Variants in STX18 observed in about 807,000 individuals in gnomAD.
STX18 encodes syntaxin 18.
In STX18, 40 loss-of-function variants were observed where a neutral mutation model predicts 50.1. The observed-to-expected ratio is 0.80, with a 90% CI of 0.62 to 1.04. The LOEUF is 1.04. STX18 is among the 50% of genes least tolerant of loss of function. The pLI is 0.00. For synonymous variants in STX18, 158 were observed against 151.8 expected (o/e 1.04, Z -0.30); for missense variants, 410 against 415.8 (o/e 0.99, Z 0.12).
intron 3 of STX18, among the ~76,000 whole-genome samples, chr4:4,458,078 A>G (rs529933224): frequency 6.6e-5 from 10 of 152,342 alleles, no homozygotes; most frequent in Non-Finnish European, 1.3e-4. Context: ...TTTTGGTAAG[A>G]TAGTGACCAC....
chr4:4,466,233 A>C (rs1319077227), intron 2 of STX18, among the ~76,000 whole-genome samples: 4 of 152,150 alleles, frequency 2.6e-5, no homozygotes, highest in African/African-American at 9.6e-5. Context: ...GTCTCTCAGG[A>C]TGGAAGCATG....
chr4:4,523,401 T>C (rs1234740231), intron 1 of STX18, among the ~76,000 whole-genome samples: 1 of 152,202 alleles, frequency 6.6e-6, no homozygotes, highest in Admixed American at 6.5e-5. Flanking sequence ...TCTGATGTCT[T>C]TTCCAGTCTA....
At chr4:4,509,426 T>C (rs1311031733) in intron 1 of STX18, among the ~76,000 whole-genome samples, 1 of 152,160 alleles carries the variant, frequency 6.6e-6, no homozygotes, top group Non-Finnish European at 1.5e-5. Context: ...CTTGTAAATT[T>C]GTTTAAGTTC....
At chr4:4,541,114 A>G (rs1206832291) in intron 1 of STX18, among the ~76,000 whole-genome samples, 1 of 152,204 alleles carries the variant, frequency 6.6e-6, no homozygotes, top group Non-Finnish European at 1.5e-5. Context: ...CACTCATTCA[A>G]CAAACATTTA....
At chr4:4,476,434 C>A (rs1434837822) in intron 1 of STX18, among the ~76,000 whole-genome samples, 1 of 152,210 alleles carries the variant, frequency 6.6e-6, no homozygotes, top group Non-Finnish European at 1.5e-5. Context: ...AAGCTCAAGA[C>A]TGACTGAGCT....
intron 1 of STX18, chr4:4,479,110 G>C (rs1728337802): frequency 6.6e-6 from 1 of 152,188 alleles, no homozygotes; most frequent in South Asian, 2.1e-4. Context: ...TTAAAAAATA[G>C]TAGTGGCACA....
At chr4:4,530,832 C>T (rs1176922026) in intron 1 of STX18, among the ~76,000 whole-genome samples, 4 of 152,080 alleles carry the variant, frequency 2.6e-5, no homozygotes, top group African/African-American at 4.8e-5. Flanking sequence ...GTCTTGAATT[C>T]CTAAGCTCAA....
chr4:4,424,523 C>T (rs965189216), intron 8 of STX18, among the ~76,000 whole-genome samples: 12 of 152,050 alleles, frequency 7.9e-5, no homozygotes, highest in African/African-American at 2.2e-4. Context: ...GGGCAGAAGG[C>T]GAAGAGCCCC....
Position 4,541,912 on chromosome 4 carries a change from G to A in STX18, c.53C>T (p.Thr18Met). 1.2e-6 allele frequency: 2 copies of A among 1,610,190 alleles called. No individual in the cohort carries two copies. Among genetic ancestry groups the A allele is most frequent in the Non-Finnish European group, 1.7e-6 (2 of 1,178,746 alleles). ...LFRASVKTVK[T>M]RNKALGVAVG... ...CGCCACTCCCAGCGCCTTGTTCCGCGTCTTCACGGTCTTGACGCTGGCCCG... is the reference window on the plus strand; with the variant it reads ...CGCCACTCCCAGCGCCTTGTTCCGCATCTTCACGGTCTTGACGCTGGCCCG... Residue 18 changes from threonine to methionine, a missense_variant, in exon 1 of 11, where the codon ACG (threonine) becomes ATG (methionine). Transcript: ENST00000306200.
chr4:4,536,882 T>C lies in STX18; in HGVS notation c.168+4915A>G, dbSNP rs560194367. On this transcript the variant is annotated intron_variant, in intron 1 of 10. Coordinates refer to ENST00000306200, the MANE Select transcript of STX18 (RefSeq NM_016930.4). ...GCAATTCAGGATCATTATTACCTTA[T>C]TTAGAATCAAAGTGTCCTTATTCTA... 2.6e-5 allele frequency among the ~76,000 whole-genome samples: 4 copies of C among 152,356 alleles called. No homozygotes were observed. In the South Asian group the frequency reaches 8.3e-4, roughly 32 times the overall value.
rs1724757770 is a variant in STX18, at chr4:4,418,987, T to TTAA, written c.*1046_*1047insTTA. ...CCTGTATTTCCAGGTAGACGTGGAC[T>TTAA]TTATTGACTGTGAATTCATTTACAT... On this transcript the variant is annotated 3_prime_UTR_variant, in exon 11 of 11. Coordinates refer to ENST00000306200, the MANE Select transcript of STX18 (RefSeq NM_016930.4). The TTAA allele has an allele frequency of 6.6e-6, 1 of 152,232 alleles. No individual in the cohort carries two copies. The highest frequency in any genetic ancestry group is 2.4e-5 in the African/African-American group (1 of 41,452). The allele number at this position is 152,232 out of a possible 1,614,324, so 9.4% of individuals were successfully genotyped here.
chr4:4,461,476 T>TAC (rs1003652771), intron 2 of STX18, among the ~76,000 whole-genome samples: 9 of 152,346 alleles, frequency 5.9e-5, no homozygotes, highest in Admixed American at 5.9e-4. Flanking sequence ...GTCTGAGCTC[T>TAC]ACATTCTGGA....
intron 1 of STX18, among the ~76,000 whole-genome samples, chr4:4,519,492 A>T (rs866521181): frequency 1.3e-5 from 2 of 152,210 alleles, no homozygotes; most frequent in Non-Finnish European, 2.9e-5. Flanking sequence ...ACTAGGGACC[A>T]ATAGGTGCCT....
chr4:4,463,972 T>G (rs1437112784), intron 2 of STX18, among the ~76,000 whole-genome samples: 1 of 152,214 alleles, frequency 6.6e-6, no homozygotes, highest in African/African-American at 2.4e-5. Flanking sequence ...GGTATAATTA[T>G]TTTTCTCTAT....
intron 1 of STX18, among the ~76,000 whole-genome samples, chr4:4,519,038 C>A (rs982990025): frequency 3.9e-5 from 6 of 152,126 alleles, no homozygotes; most frequent in Non-Finnish European, 8.8e-5. Context: ...CAAACCACTC[C>A]TCATAAAAAC....
Position 4,522,995 on chromosome 4 carries a change from T to C in STX18, c.168+18802A>G, listed in dbSNP as rs532109767. On this transcript the variant is annotated intron_variant, in intron 1 of 10. Coordinates refer to ENST00000306200, the MANE Select transcript of STX18 (RefSeq NM_016930.4). ...TTATCAAACATTCTATAGCACTTCT[T>C]ATGTGCTAAGCACTTTCAAGGTGCT... Among the ~76,000 whole-genome samples the C allele has an allele frequency of 4.6e-5, 7 of 152,374 alleles. No individual in the cohort carries two copies. In the South Asian group the frequency reaches 1.4e-3, roughly 32 times the overall value.
At chr4:4,436,693 CA>C in intron 6 of STX18, among the ~76,000 whole-genome samples, 1 of 152,302 alleles carries the variant, frequency 6.6e-6, no homozygotes, top group South Asian at 2.1e-4. Flanking sequence ...GTCCTCTGCC[CA>C]GGCCACCCGT....
chr4:4,446,287 C>A (rs553787204), intron 5 of STX18, among the ~76,000 whole-genome samples: 38 of 152,078 alleles, frequency 2.5e-4, no homozygotes, highest in African/African-American at 8.7e-4. Context: ...ATCTTAGTGA[C>A]CTTGGGGTAG....
chr4:4,455,066 T>A (rs1726993616), intron 5 of STX18, among the ~76,000 whole-genome samples: 1 of 152,180 alleles, frequency 6.6e-6, no homozygotes, highest in African/African-American at 2.4e-5. Context: ...AGCAACCTGC[T>A]CAAAGTCACA....
Sources: allele counts gnomAD v4.1 joint callset (sites outside exome capture counted in the v4.1 genomes callset), GRCh38; gene constraint gnomAD v4.1.1; transcripts MANE v1.5; gene names NCBI Gene and HGNC (gene_info 2026-07-23, HGNC 2026-07-21).